GLG1: variants seen among roughly 807,000 people sequenced by gnomAD.
GLG1 encodes the protein golgi glycoprotein 1.
In GLG1, 38 loss-of-function variants were observed where a neutral mutation model predicts 160.5. The ratio of observed to expected loss-of-function variants is 0.24; its 90% CI spans 0.18 to 0.31. GLG1 has a LOEUF of 0.31. Ranked by LOEUF, GLG1 falls within the 10% of genes least tolerant of loss-of-function variation. The probability of loss-of-function intolerance (pLI) is 1.00; values close to 1 mark genes in which losing one functional copy is unlikely to be tolerated. For missense variants in GLG1, 1,373 were observed against 1,505.2 expected (o/e 0.91, Z 1.45); for synonymous variants, 644 against 543.4 (o/e 1.19, Z -2.57).
At chr16:74,567,928 C>G (rs919967961) in intron 1 of GLG1, among the ~76,000 whole-genome samples, 1 of 152,180 alleles carries the variant, frequency 6.6e-6, no homozygotes, top group Non-Finnish European at 1.5e-5. Context: ...GGGATTCACC[C>G]AACTCTGTCA....
chr16:74,605,184 C>A (rs12935193), intron 1 of GLG1, among the ~76,000 whole-genome samples: 3 of 143,820 alleles, frequency 2.1e-5, no homozygotes, highest in Admixed American at 7.0e-5. Context: ...CCCTCCACCT[C>A]CCCCCAACCC....
chr16:74,532,183 TAA>T lies in GLG1; in HGVS notation c.439-32_439-31del, dbSNP rs34188953. 5.9e-3 allele frequency: 4,106 copies of T among 697,424 alleles called. 50 individuals are homozygous for T. Among genetic ancestry groups the T allele is most frequent in the African/African-American group, 0.039 (1,943 of 50,336 alleles). 43.2% of individuals were successfully genotyped at this position (697,424 alleles called of 1,614,324 possible). On this transcript the variant is annotated intron_variant, in intron 1 of 25. Coordinates refer to ENST00000422840, the MANE Select transcript of GLG1 (RefSeq NM_001145667.2). Reference sequence around the variant, plus strand: ...AAGAGAAAAAAAAGAAGAGATGATGTAAAAAAAAAAATATATATATATATATA... The same window carrying T: ...AAGAGAAAAAAAAGAAGAGATGATGTAAAAAAAAATATATATATATATATA...
intron 19 of GLG1, among the ~76,000 whole-genome samples, chr16:74,465,374 T>C (rs528790935): frequency 6.0e-4 from 91 of 152,366 alleles, no homozygotes; most frequent in African/African-American, 2.0e-3. Flanking sequence ...CACATCCATT[T>C]ACTTGTGCCT....
At chr16:74,464,361 T>G (rs1280937325) in intron 19 of GLG1, among the ~76,000 whole-genome samples, 1 of 152,220 alleles carries the variant, frequency 6.6e-6, no homozygotes, top group African/African-American at 2.4e-5. Context: ...TTGGTTCATC[T>G]TAATTACAGG....
At chr16:74,559,013 C>T (rs528002280) in intron 1 of GLG1, among the ~76,000 whole-genome samples, 22 of 152,240 alleles carry the variant, frequency 1.4e-4, no homozygotes, top group Middle Eastern at 6.8e-3. Flanking sequence ...GCCTCCTGAG[C>T]AGCTGGGACT....
In GLG1 at chr16:74,452,610, T is replaced by C. The variant is rs1597210337; in HGVS notation, c.*557A>G. ...GAACGGCTGCCCACCCACGCCTCGGTGAAGACCACGGCCCTGGCGAGGCCC... is the reference window on the plus strand; with the variant it reads ...GAACGGCTGCCCACCCACGCCTCGGCGAAGACCACGGCCCTGGCGAGGCCC... On this transcript the variant is annotated 3_prime_UTR_variant, in exon 26 of 26. Coordinates refer to ENST00000422840, the MANE Select transcript of GLG1 (RefSeq NM_001145667.2). The C allele has an allele frequency of 8.0e-6, 8 of 1,001,778 alleles. No individual in the cohort carries two copies. Among genetic ancestry groups the C allele is most frequent in the Non-Finnish European group, 9.5e-6 (8 of 838,998 alleles). 62.1% of individuals were successfully genotyped at this position (1,001,778 alleles called of 1,614,324 possible).
chr16:74,585,944 T>C (rs1597373493), intron 1 of GLG1, among the ~76,000 whole-genome samples: 2 of 147,040 alleles, frequency 1.4e-5, no homozygotes, highest in Non-Finnish European at 3.0e-5. Context: ...GTGCCTGTAA[T>C]CCCAGCTACT....
At position 74,490,321 on chromosome 16, in the gene GLG1, A is replaced by T. The variant is rs143805566; in HGVS notation, c.1449+680T>A. Among the ~76,000 whole-genome samples, 144 of 152,176 alleles carry T rather than the reference A, an allele frequency of 9.5e-4. 1 individual carries two copies. The highest frequency in any genetic ancestry group is 3.1e-3 in the African/African-American group (127 of 41,414). On this transcript the variant is annotated intron_variant, in intron 8 of 25. Transcript: ENST00000422840. Reference sequence around the variant, plus strand: ...TTTATCTCCCCAAGCAAAGTATGCTAACTGTGAGGTTTAGTGATAGAAAAA... The same window carrying T: ...TTTATCTCCCCAAGCAAAGTATGCTTACTGTGAGGTTTAGTGATAGAAAAA...
chr16:74,562,262 G>C (rs184534589), intron 1 of GLG1, among the ~76,000 whole-genome samples: 8 of 152,278 alleles, frequency 5.3e-5, no homozygotes, highest in Admixed American at 4.6e-4. Context: ...CTTGGTCAAA[G>C]GTATTGCAGA....
chr16:74,603,102 C>A (rs1335804911), intron 1 of GLG1, among the ~76,000 whole-genome samples: 1 of 150,496 alleles, frequency 6.6e-6, no homozygotes, highest in East Asian at 2.0e-4. Context: ...ACAACAACAA[C>A]AACAACAACA....
rs903254610 is a variant in GLG1 at position 74,469,135 on chromosome 16, G to T, written c.2319-72C>A. The T allele has an allele frequency of 1.3e-5, 12 of 922,912 alleles. No individual in the cohort carries two copies. In the African/African-American group the frequency reaches 1.8e-4, roughly 14 times the overall value. The allele number at this position is 922,912 out of a possible 1,614,324, so 57.2% of individuals were successfully genotyped here. The stretch of plus-strand genomic sequence containing the variant: ...GATGGCCTGAGAGCTGGGCTTGGGG[G>T]GGGTCACACCATTAAGAATTCAAGA... On this transcript the variant is annotated intron_variant, in intron 16 of 25. Coordinates refer to ENST00000422840, the MANE Select transcript of GLG1 (RefSeq NM_001145667.2).
In GLG1 at chr16:74,496,603, T is replaced by C. The variant is rs1334786197; in HGVS notation, c.816A>G (p.Lys272=). 3.1e-6 allele frequency: 5 copies of C among 1,613,086 alleles called. No homozygotes were observed. The highest frequency in any genetic ancestry group is 4.2e-6 in the Non-Finnish European group (5 of 1,179,244). The change falls in exon 5 of 26, where the codon AAA becomes AAG. Residue 272 remains lysine, a synonymous_variant. Coordinates refer to ENST00000422840, the MANE Select transcript of GLG1 (RefSeq NM_001145667.2). ...SQGEVVSCLE[K]GLVKEAEERE... ...TTTCTTCTGCTTCTTTCACCAGGCC[T>C]TTCTCCAAGCATGATACCACCTCAC...
chr16:74,456,637 C>G lies in GLG1; in HGVS notation c.3372+12G>C. On this transcript the variant is annotated intron_variant, in intron 25 of 25. Transcript: ENST00000422840. ...TTGTTTTTTTAAAAAAGGAGATTCT[C>G]TTGGTCATTACCTTTGCTGCGTAAC... is the stretch of plus-strand genomic sequence containing the variant. 1 of 1,540,972 alleles carries G rather than the reference C, an allele frequency of 6.5e-7. No individual in the cohort carries two copies. Among genetic ancestry groups the G allele is most frequent in the Non-Finnish European group, 8.9e-7 (1 of 1,121,964 alleles).
At chr16:74,564,272 TCAG>T (rs1273658885) in intron 1 of GLG1, among the ~76,000 whole-genome samples, 1 of 152,196 alleles carries the variant, frequency 6.6e-6, no homozygotes, top group African/African-American at 2.4e-5. Context: ...TTACAGAGAT[TCAG>T]TTGTAGGGGA....
chr16:74,557,877 G>C lies in GLG1; in HGVS notation c.439-25724C>G, dbSNP rs552742885. ...TGGGATTACAGGCGTGAGCCACCAG[G>C]CCTGGCCATAGAAAGTGTCCTGTCT... is the stretch of plus-strand genomic sequence containing the variant. On this transcript the variant is annotated intron_variant, in intron 1 of 25. Transcript: ENST00000422840. Among the ~76,000 whole-genome samples, 6 of 152,174 alleles carry C rather than the reference G, an allele frequency of 3.9e-5. No individual in the cohort carries two copies. The East Asian group carries it at 1.2e-3, about 29-fold the overall frequency.
At chr16:74,457,330 G>C (rs1461509922) in intron 24 of GLG1, among the ~76,000 whole-genome samples, 1 of 152,200 alleles carries the variant, frequency 6.6e-6, no homozygotes, top group Admixed American at 6.5e-5. Context: ...CCAGGAGGCG[G>C]AGGTTGCAGT....
At chr16:74,602,682 C>G (rs1056070396) in intron 1 of GLG1, among the ~76,000 whole-genome samples, 2 of 151,950 alleles carry the variant, frequency 1.3e-5, no homozygotes, top group Non-Finnish European at 1.5e-5. Flanking sequence ...ACTTGGGAGG[C>G]TGAAGCAGGA....
chr16:74,585,646 T>G lies in GLG1; in HGVS notation c.438+21011A>C, dbSNP rs965562409. ...TGGCGTGAACTCAGGAGGCAGAGCTTGCAGTGAGCCAAGATCACGCTACTG... is the reference window on the plus strand; with the variant it reads ...TGGCGTGAACTCAGGAGGCAGAGCTGGCAGTGAGCCAAGATCACGCTACTG... On this transcript the variant is annotated intron_variant, in intron 1 of 25. Coordinates refer to ENST00000422840, the MANE Select transcript of GLG1 (RefSeq NM_001145667.2). Among the ~76,000 whole-genome samples the G allele has an allele frequency of 6.8e-5, 10 of 147,182 alleles. 2 individuals carry two copies.
chr16:74,508,979 G>A (rs548261399), intron 2 of GLG1, 54 bp from the exon 3 acceptor site: 38 of 750,870 alleles, frequency 5.1e-5, no homozygotes, highest in South Asian at 4.1e-4. Flanking sequence ...AGAACAGTAC[G>A]AAATTTATTA....
Sources: allele counts gnomAD v4.1 joint callset (sites outside exome capture counted in the v4.1 genomes callset), GRCh38; gene constraint gnomAD v4.1.1; transcripts MANE v1.5; gene names NCBI Gene and HGNC (gene_info 2026-07-23, HGNC 2026-07-21).